Variants in TGFBI observed in about 807,000 individuals in gnomAD.
TGFBI encodes transforming growth factor beta induced.
Under a neutral mutation model 73.7 loss-of-function variants are expected in TGFBI, and 50 were observed. The ratio of observed to expected loss-of-function variants is 0.68; its 90% CI spans 0.54 to 0.86. The LOEUF is 0.86. Among genes scored for constraint, TGFBI ranks in the 40% least tolerant of loss-of-function variants. TGFBI has a pLI of 0.00. For missense variants in TGFBI, 839 were observed against 877.0 expected, an observed-to-expected ratio of 0.96 and a Z score of 0.55; for synonymous variants, 362 against 360.5, an observed-to-expected ratio of 1.00 and a Z score of -0.05.
chr5:136,044,055 C>A lies in TGFBI; in HGVS notation c.234-3C>A, dbSNP rs748881539. 6.2e-7 allele frequency: 1 copy of A among 1,612,924 alleles called. No individual in the cohort carries two copies. Among genetic ancestry groups the A allele is most frequent in the Non-Finnish European group, 8.5e-7 (1 of 1,179,186 alleles). ...AACACAATGTATGGTTGTCTTGTTA[C>A]AGAGTCATCAGCTACGAGTGCTGTC... On this transcript the variant is annotated splice_region_variant and splice_polypyrimidine_tract_variant and intron_variant, in intron 2 of 16. Transcript: ENST00000442011.
chr5:136,060,954 A>G lies in TGFBI; in HGVS notation c.1906+18A>G. On this transcript the variant is annotated intron_variant, in intron 14 of 16. Coordinates refer to ENST00000442011, the MANE Select transcript of TGFBI (RefSeq NM_000358.3). The stretch of plus-strand genomic sequence containing the variant: ...GCCTCCAGGTAAGTGTCGCATCCCC[A>G]CTGACTCTGCAGCCAGTCCTTTTCT... 2 of 1,528,794 alleles carry G rather than the reference A, an allele frequency of 1.3e-6. No homozygotes were observed. The highest frequency in any genetic ancestry group is 1.8e-6 in the Non-Finnish European group (2 of 1,127,646). The allele number at this position is 1,528,794 out of a possible 1,614,324, so 94.7% of individuals were successfully genotyped here.
chr5:136,043,925 C>A, intron 2 of TGFBI, 133 bp from the exon 3 acceptor site: 1 of 717,678 alleles, frequency 1.4e-6, no homozygotes, highest in Non-Finnish European at 2.5e-6. Flanking sequence ...TAGCAAATAA[C>A]TCCTAAGAGG....
intron 7 of TGFBI, among the ~76,000 whole-genome samples, chr5:136,052,277 A>G (rs776279230): frequency 2.2e-4 from 33 of 152,402 alleles, no homozygotes; most frequent in Middle Eastern, 3.4e-3. Flanking sequence ...ATGGGATGGC[A>G]AAGGCCAAGT....
intron 2 of TGFBI, among the ~76,000 whole-genome samples, chr5:136,035,953 C>G (rs1751213920): frequency 6.6e-6 from 1 of 152,188 alleles, no homozygotes. Context: ...ATTTGCCCAG[C>G]TAGTTAACAA....
chr5:136,049,634 C>G, intron 7 of TGFBI, 54 bp downstream of exon 7: 3 of 1,572,424 alleles, frequency 1.9e-6, no homozygotes, highest in Non-Finnish European at 2.6e-6. Context: ...AGATTGAGCC[C>G]AAGACCTGCT....
At chr5:136,062,786 A>G (rs896672488) in intron 16 of TGFBI, 99 bp downstream of exon 16, 21 of 1,314,194 alleles carry the variant, frequency 1.6e-5, no homozygotes, top group Non-Finnish European at 2.1e-5. Context: ...TAAGAACATC[A>G]TGGTGCAGTA....
intron 2 of TGFBI, among the ~76,000 whole-genome samples, chr5:136,034,143 T>TG (rs1751176140): frequency 6.6e-6 from 1 of 152,114 alleles, no homozygotes; most frequent in African/African-American, 2.4e-5. Context: ...TGTGTGTGTG[T>TG]TTCTCAATCC....
chr5:136,046,523 A>T, intron 4 of TGFBI, 28 bp downstream of exon 4: 2 of 1,576,386 alleles, frequency 1.3e-6, no homozygotes, highest in South Asian at 1.2e-5. Context: ...TGCCCGGGGG[A>T]CTCTTATGGG....
intron 1 of TGFBI, among the ~76,000 whole-genome samples, chr5:136,030,107 C>A (rs995135945): frequency 1.3e-5 from 2 of 152,206 alleles, no homozygotes; most frequent in African/African-American, 4.8e-5. Context: ...AGCTTCCAGC[C>A]TACCTGGTTG....
intron 2 of TGFBI, among the ~76,000 whole-genome samples, chr5:136,039,500 G>T (rs183567246): frequency 2.3e-4 from 35 of 152,290 alleles, no homozygotes; most frequent in Admixed American, 7.8e-4. Context: ...CCAGAGACAA[G>T]GCCTCCTCAG....
At chr5:136,034,040 T>A (rs1751171700) in intron 2 of TGFBI, among the ~76,000 whole-genome samples, 179 bp downstream of exon 2, 1 of 152,164 alleles carries the variant, frequency 6.6e-6, no homozygotes, top group Non-Finnish European at 1.5e-5. Flanking sequence ...GCCAATTTTG[T>A]TTTGCATTTT....
In TGFBI at chr5:136,060,172, T is replaced by G. The variant is rs146517020; in HGVS notation, c.1804-662T>G. ...CACCTACTTAGCTTAAAAGAGGCACTTCGCCTGTCTTCAGTCTCAGTCTCA... is the reference window on the plus strand; with the variant it reads ...CACCTACTTAGCTTAAAAGAGGCACGTCGCCTGTCTTCAGTCTCAGTCTCA... On this transcript the variant is annotated intron_variant, in intron 13 of 16. Transcript: ENST00000442011. 1.0e-3 allele frequency among the ~76,000 whole-genome samples: 157 copies of G among 152,364 alleles called. 1 individual carries two copies. Among genetic ancestry groups the G allele is most frequent in the African/African-American group, 3.6e-3 (151 of 41,590 alleles).
In TGFBI at chr5:136,044,112, C is replaced by T. The variant is rs770218208; in HGVS notation, c.288C>T (p.Gly96=). 5 of 1,612,686 alleles carry T rather than the reference C, an allele frequency of 3.1e-6. No individual in the cohort carries two copies. The highest frequency in any genetic ancestry group is 1.7e-5 in the Admixed American group (1 of 59,894). The change falls in exon 3 of 17, where the codon GGC becomes GGT. Residue 96 remains glycine (G), a synonymous_variant. Coordinates refer to ENST00000442011, the MANE Select transcript of TGFBI (RefSeq NM_000358.3). ...PGYEKVPGEK[G]CPAALPLSNL... ...ATGAAAAGGTCCCTGGGGAGAAGGG[C>T]TGTCCAGCAGGTGAATGAATCCTCC...
chr5:136,043,304 G>A (rs567292916), intron 2 of TGFBI, among the ~76,000 whole-genome samples: 1 of 152,236 alleles, frequency 6.6e-6, no homozygotes, highest in African/African-American at 2.4e-5. Context: ...GTTCGTTAAA[G>A]CTGTGTATTT....
chr5:136,047,120 C>G (rs554826569), intron 5 of TGFBI, 105 bp downstream of exon 5: 1 of 1,524,274 alleles, frequency 6.6e-7, no homozygotes, highest in Non-Finnish European at 8.9e-7. Flanking sequence ...ACAACCCACC[C>G]TCTTTGTGCC....
intron 2 of TGFBI, among the ~76,000 whole-genome samples, chr5:136,042,821 G>A (rs371268297): frequency 6.6e-6 from 1 of 152,094 alleles, no homozygotes; most frequent in Non-Finnish European, 1.5e-5. Flanking sequence ...GATGAATCAG[G>A]CTTCATCTTC....
intron 3 of TGFBI, chr5:136,044,678 G>A (rs995104972): frequency 9.2e-5 from 14 of 152,834 alleles, no homozygotes; most frequent in Non-Finnish European, 1.6e-4. Flanking sequence ...TGCACTGGGC[G>A]AAAGACAGCA....
intron 2 of TGFBI, among the ~76,000 whole-genome samples, chr5:136,038,726 A>AAG (rs1751275258): frequency 6.6e-6 from 1 of 151,724 alleles, no homozygotes; most frequent in African/African-American, 2.4e-5. Context: ...ATCTCAAAAA[A>AAG]AAAAAAAGAG....
chr5:136,058,256 T>C (rs1011402616), intron 12 of TGFBI, among the ~76,000 whole-genome samples: 1 of 152,168 alleles, frequency 6.6e-6, no homozygotes, highest in Non-Finnish European at 1.5e-5. Context: ...CTCTCCAAAA[T>C]AAGTTAAAAC....
Sources: gnomAD v4.1 joint callset for allele counts (sites outside exome capture counted in the v4.1 genomes callset) on GRCh38, gnomAD v4.1.1 for gene constraint, MANE v1.5 for transcripts, NCBI Gene and HGNC (gene_info 2026-07-23, HGNC 2026-07-21) for gene names.